Variants in PPRC1 observed in about 807,000 individuals in gnomAD.
PPRC1 encodes the protein peroxisome proliferator-activated receptor gamma coactivator-related protein 1.
In PPRC1, 23 loss-of-function variants were observed where a neutral mutation model predicts 132.5. That is an observed-to-expected ratio of 0.17 (90% CI 0.12 to 0.25). The LOEUF (loss-of-function observed/expected upper bound fraction) is 0.25. Ranked by LOEUF, PPRC1 falls within the 10% of genes least tolerant of loss-of-function variation. The pLI, the probability that PPRC1 is intolerant of heterozygous loss-of-function variation, is 1.00. For synonymous variants in PPRC1, 872 were observed against 833.5 expected, an observed-to-expected ratio of 1.05 and a Z score of -0.80; for missense variants, 2,006 against 2,089.1, an observed-to-expected ratio of 0.96 and a Z score of 0.78.
chr10:102,139,719 A>C lies in PPRC1; in HGVS notation c.1211A>C (p.Lys404Thr). 1 of 1,614,130 alleles carries C rather than the reference A, an allele frequency of 6.2e-7. No homozygotes were observed. The highest frequency in any genetic ancestry group is 1.7e-4 in the Middle Eastern group (1 of 6,060). The change falls in exon 5 of 14, where the codon AAG (lysine) becomes ACG (threonine). Residue 404 changes from lysine (K) to threonine (T), a missense_variant. Physicochemically the swap from Lys to Thr is moderately conservative, Grantham distance 78. Coordinates refer to ENST00000278070, the MANE Select transcript of PPRC1 (RefSeq NM_015062.5). ...TCAGAGACAGAGGCTGCTGTGCCCA[A>C]GGTAACCCTCTGCTCTGAGAAAGAG... ...LESETEAAVP[K>T]VTLCSEKEGL...
chr10:102,141,463 C>T lies in PPRC1; in HGVS notation c.2955C>T (p.Gly985=), dbSNP rs1339667858. 1 of 1,613,900 alleles carries T rather than the reference C, an allele frequency of 6.2e-7. No individual in the cohort carries two copies. Among genetic ancestry groups the T allele is most frequent in the South Asian group, 1.1e-5 (1 of 91,082 alleles). The part of the protein sequence containing the change: ...STCTYGPLGW[G]PGPQHAPFWS... ...GTACCTATGGGCCCTTGGGATGGGG[C>T]CCAGGGCCTCAACATGCTCCATTCT... Residue 985 remains glycine (G), a synonymous_variant, in exon 5 of 14, where the codon GGC becomes GGT. Transcript: ENST00000278070.
chr10:102,139,008 A>G, intron 4 of PPRC1, 28 bp downstream of exon 4: 1 of 1,606,320 alleles, frequency 6.2e-7, no homozygotes, highest in South Asian at 1.1e-5. Flanking sequence ...GGTTTCAGAA[A>G]CTCCCAGGTG....
chr10:102,128,841 C>G (rs1448739318), upstream of PPRC1, among the ~76,000 whole-genome samples: 1 of 150,674 alleles, frequency 6.6e-6, no homozygotes, highest in Non-Finnish European at 1.5e-5. Flanking sequence ...GTCTCGATCT[C>G]CTGACCTCGT....
rs757809373 is a variant in PPRC1 at position 102,148,496 on chromosome 10, C to T, written c.4525C>T (p.Arg1509Cys). The stretch of plus-strand genomic sequence containing the variant: ...AAGCCGCTCACGATCCCCATCCCCC[C>T]GCCGGAGAAGTGACAGGAGGCGGCG... ...SRSRSRSPSP[R>C]RRSDRRRRYS... is the part of the protein sequence containing the mutation. The change falls in exon 10 of 14, where the codon CGC (arginine) becomes TGC (cysteine). Residue 1509 changes from arginine (R) to cysteine (C), a missense_variant. Around this residue, in one of 2 missense-constraint regions of PPRC1, gnomAD observed 1,914 missense variants for 1,917.2 expected, o/e 1.00. Transcript: ENST00000278070. The surrounding 1 kb of genome is among the most constrained non-coding windows in gnomAD (Gnocchi z 4.2). The T allele has an allele frequency of 1.9e-5, 31 of 1,613,322 alleles. No homozygotes were observed. Among genetic ancestry groups the T allele is most frequent in the Middle Eastern group, 3.3e-4 (2 of 6,080 alleles).
intron 5 of PPRC1, 135 bp from the exon 6 acceptor site, chr10:102,142,910 T>C (rs2069058655): frequency 2.9e-6 from 2 of 689,004 alleles, no homozygotes; most frequent in Non-Finnish European, 2.4e-6. Context: ...TGCTTTGTGC[T>C]GCTACCTTGG....
chr10:102,140,346 A>G lies in PPRC1; in HGVS notation c.1838A>G (p.Asp613Gly). The G allele has an allele frequency of 6.2e-7, 1 of 1,614,126 alleles. No individual in the cohort carries two copies. Among genetic ancestry groups the G allele is most frequent in the Non-Finnish European group, 8.5e-7 (1 of 1,180,018 alleles). Residue 613 changes from aspartate to glycine, a missense_variant, in exon 5 of 14, where the codon GAC becomes GGC. Physicochemically the swap from Asp to Gly is moderately conservative, Grantham distance 94. Transcript: ENST00000278070. The part of the protein sequence containing the change: ...GPVPVDPGLV[D>G]LASTSSELVE... ...GTACCTGTTGACCCTGGGTTGGTTGACCTTGCTTCAACCAGCTCAGAACTG... is the reference window on the plus strand; with the variant it reads ...GTACCTGTTGACCCTGGGTTGGTTGGCCTTGCTTCAACCAGCTCAGAACTG...
Position 102,138,621 on chromosome 10 carries a change from C to T in PPRC1, c.345C>T (p.Ser115=). 6.2e-7 allele frequency: 1 copy of T among 1,613,934 alleles called. No individual in the cohort carries two copies. The highest frequency in any genetic ancestry group is 1.7e-4 in the Middle Eastern group (1 of 6,058). The change falls in exon 3 of 14, where the codon AGC becomes AGT. Residue 115 remains serine, a splice_region_variant and synonymous_variant. Coordinates refer to ENST00000278070, the MANE Select transcript of PPRC1 (RefSeq NM_015062.5). The stretch of plus-strand genomic sequence containing the variant: ...TTCTGGTTGTTTTTCTGGAGCAGAG[C>T]AGGTTATCTCTGGAGGACCAGAATG... The part of the protein sequence containing the change: ...LIEDFGSLGE[S]RLSLEDQNEV...
In PPRC1 at chr10:102,139,474, C is replaced by T. The variant is rs2068858293; in HGVS notation, c.966C>T (p.His322=). Residue 322 remains histidine, a synonymous_variant, in exon 5 of 14, where the codon CAC becomes CAT. Transcript: ENST00000278070. ...CATACTGCCTGCCCAACCTCACCCACCTGGCATCACTTGAGGATGAGCTTC... is the reference window on the plus strand; with the variant it reads ...CATACTGCCTGCCCAACCTCACCCATCTGGCATCACTTGAGGATGAGCTTC... ...MHPYCLPNLT[H]LASLEDELQE... is the part of the protein sequence containing the mutation. 1 of 1,614,058 alleles carries T rather than the reference C, an allele frequency of 6.2e-7. No homozygotes were observed.
intron 8 of PPRC1, among the ~76,000 whole-genome samples, chr10:102,145,397 A>C (rs530358812): frequency 6.6e-6 from 1 of 151,948 alleles, no homozygotes; most frequent in Admixed American, 6.6e-5. Context: ...GTGAAACCCT[A>C]TCTCTACTAA....
chr10:102,122,709 G>T, the PPRC1 span, among the ~76,000 whole-genome samples: 1 of 152,016 alleles, frequency 6.6e-6, no homozygotes, highest in Non-Finnish European at 1.5e-5. Flanking sequence ...TGGACAGGGG[G>T]ACTACAACCC....
At chr10:102,120,274 G>T in the PPRC1 span, 6 of 983,908 alleles carry the variant, frequency 6.1e-6, no homozygotes, top group Non-Finnish European at 7.2e-6. Flanking sequence ...TGCGGCGAGG[G>T]GCCTGTCAGG....
chr10:102,139,393 A>G lies in PPRC1; in HGVS notation c.885A>G (p.Pro295=). Residue 295 remains proline, a synonymous_variant, in exon 5 of 14, where the codon CCA becomes CCG. Transcript: ENST00000278070. The part of the protein sequence containing the change: ...DKATAAEMAV[P]AAGDESISSL... ...CAACAGCAGCAGAGATGGCAGTGCCAGCAGCTGGTGATGAGAGCATCTCCT... is the reference window on the plus strand; with the variant it reads ...CAACAGCAGCAGAGATGGCAGTGCCGGCAGCTGGTGATGAGAGCATCTCCT... The G allele has an allele frequency of 6.2e-7, 1 of 1,614,250 alleles. No homozygotes were observed.
chr10:102,124,064 C>G, the PPRC1 span, among the ~76,000 whole-genome samples: 1 of 150,546 alleles, frequency 6.6e-6, no homozygotes, highest in East Asian at 1.9e-4. Flanking sequence ...TATTTTTAAA[C>G]TTTATTCTTT....
At position 102,139,773 on chromosome 10, in the gene PPRC1, T is replaced by C; in HGVS notation, c.1265T>C (p.Leu422Pro). The change falls in exon 5 of 14, where the codon CTG (leucine) becomes CCG (proline). Residue 422 changes from leucine to proline, a missense_variant. Transcript: ENST00000278070. ...TTGTCATTGAACTCAGAGGAGAAGCTGGACTCAGCCTGCTTATTGAAGCCC... is the reference window on the plus strand; with the variant it reads ...TTGTCATTGAACTCAGAGGAGAAGCCGGACTCAGCCTGCTTATTGAAGCCC... ...EGLSLNSEEK[L>P]DSACLLKPRE... The C allele has an allele frequency of 3.1e-6, 5 of 1,614,202 alleles. No homozygotes were observed. The highest frequency in any genetic ancestry group is 4.2e-6 in the Non-Finnish European group (5 of 1,180,038).
rs1295951218 is a variant in PPRC1 at position 102,139,895 on chromosome 10, A to G, written c.1387A>G (p.Lys463Glu). Residue 463 changes from lysine to glutamate, a missense_variant, in exon 5 of 14, where the codon AAG becomes GAG. Coordinates refer to ENST00000278070, the MANE Select transcript of PPRC1 (RefSeq NM_015062.5). ...SQRARKGRKKKSKEQPAACVE... is the reference protein window; with the variant it reads ...SQRARKGRKKESKEQPAACVE... ...GAGAGCTCGAAAGGGCAGGAAGAAG[A>G]AGAGCAAGGAGCAGCCAGCAGCCTG... 15 of 1,614,106 alleles carry G rather than the reference A, an allele frequency of 9.3e-6. No individual in the cohort carries two copies. The East Asian group carries it at 1.3e-4, about 14-fold the overall frequency.
Position 102,141,186 on chromosome 10 carries a change from C to A in PPRC1, c.2678C>A (p.Pro893His), listed in dbSNP as rs745452155. Residue 893 changes from proline to histidine, a missense_variant, in exon 5 of 14, where the codon CCC becomes CAC. Physicochemically the swap from Pro to His is moderately conservative, Grantham distance 77. Transcript: ENST00000278070. ...GGGCTTGGCATGCCCCCCAGTCTGC[C>A]CCCACCTCCCTTGCAGCCTCCTAGT... ...AGGLGMPPSL[P>H]PPPLQPPSLP... 6.2e-7 allele frequency: 1 copy of A among 1,614,048 alleles called. No homozygotes were observed. Among genetic ancestry groups the A allele is most frequent in the East Asian group, 2.2e-5 (1 of 44,868 alleles).
rs749221678 is a variant in PPRC1 at position 102,147,103 on chromosome 10, G to T, written c.4111G>T (p.Ala1371Ser). ...EQADPSAPCLAPSSLLSPEAS... is the reference protein window; with the variant it reads ...EQADPSAPCLSPSSLLSPEAS... ...GGCAGATCCCTCAGCACCCTGCCTTGCCCCATCCAGCTTGCTGTCCCCTGA... is the reference window on the plus strand; with the variant it reads ...GGCAGATCCCTCAGCACCCTGCCTTTCCCCATCCAGCTTGCTGTCCCCTGA... The change falls in exon 9 of 14, where the codon GCC becomes TCC. Residue 1371 changes from alanine to serine, a missense_variant. Ala to Ser is a moderately conservative substitution (Grantham distance 99). This residue lies in a region of PPRC1 where 1,914 missense variants were observed against 1,917.2 expected (regional missense o/e 1.00). Transcript: ENST00000278070. The T allele has an allele frequency of 1.2e-6, 2 of 1,614,014 alleles. No homozygotes were observed. The highest frequency in any genetic ancestry group is 4.5e-5 in the East Asian group (2 of 44,896).
chr10:102,149,142 G>A, intron 12 of PPRC1, 36 bp from the exon 13 acceptor site: 1 of 1,550,882 alleles, frequency 6.4e-7, no homozygotes, highest in Non-Finnish European at 8.7e-7. Flanking sequence ...GGCCCATATA[G>A]CCACTCCAGC....
chr10:102,144,284 C>G lies in PPRC1; in HGVS notation c.3585C>G (p.Asp1195Glu). 6.2e-7 allele frequency: 1 copy of G among 1,614,158 alleles called. No homozygotes were observed. The highest frequency in any genetic ancestry group is 8.5e-7 in the Non-Finnish European group (1 of 1,180,042). The stretch of plus-strand genomic sequence containing the variant: ...AGTGTCCTCCTCCGGCTCCTGCTGA[C>G]AGCTTGGCTGTAGGAAACTCAGGGT... ...KKECPPPAPA[D>E]SLAVGNSGGV... Residue 1195 changes from aspartate to glutamate, a missense_variant, in exon 7 of 14, where the codon GAC becomes GAG. By Grantham distance (45) the Asp-to-Glu change is conservative. Around this residue, in one of 2 missense-constraint regions of PPRC1, gnomAD observed 1,914 missense variants for 1,917.2 expected, o/e 1.00. Transcript: ENST00000278070.
Sources: gnomAD v4.1 joint callset for allele counts (sites outside exome capture counted in the v4.1 genomes callset) on GRCh38, gnomAD v4.1.1 for gene constraint, gnomAD v4.1.1 regional missense constraint, Gnocchi (gnomAD v3.1) non-coding constraint, MANE v1.5 for transcripts, NCBI Gene and HGNC (gene_info 2026-07-23, HGNC 2026-07-21) for gene names.